CEP63: variants seen among roughly 807,000 people sequenced by gnomAD.
The protein encoded by CEP63 is centrosomal protein 63, also known as centrosomal protein of 63 kDa.
CEP63 carries 84 observed loss-of-function variants against 89.1 expected under a neutral mutation model. That is an observed-to-expected ratio of 0.94 (90% CI 0.79 to 1.13). CEP63 has a LOEUF of 1.13. CEP63 is among the 50% of genes most tolerant of loss of function. The probability of loss-of-function intolerance (pLI) is 0.00; values close to 1 mark genes in which losing one functional copy is unlikely to be tolerated. For synonymous variants in CEP63, 267 were observed against 272.5 expected, an observed-to-expected ratio of 0.98 and a Z score of 0.20; for missense variants, 838 against 813.3, an observed-to-expected ratio of 1.03 and a Z score of -0.37.
At chr3:134,659,804 G>A in the CEP63 span, among the ~76,000 whole-genome samples, 2 of 152,206 alleles carry the variant, frequency 1.3e-5, no homozygotes, top group African/African-American at 2.4e-5. Flanking sequence ...ACCCCCAGGG[G>A]CCTGGCGGGA....
At chr3:134,739,733 T>C in the CEP63 span, among the ~76,000 whole-genome samples, 5 of 148,578 alleles carry the variant, frequency 3.4e-5, no homozygotes, top group African/African-American at 1.3e-4. Context: ...GACACATGCA[T>C]AGCAAAATTG....
At chr3:134,685,106 T>A in the CEP63 span, among the ~76,000 whole-genome samples, 1 of 152,232 alleles carries the variant, frequency 6.6e-6, no homozygotes, top group South Asian at 2.1e-4. Context: ...TATTTCTGAA[T>A]TTATGGTTTA....
the CEP63 span, chr3:134,651,658 C>T: frequency 2.4e-5 from 23 of 948,928 alleles, no homozygotes; most frequent in Non-Finnish European, 2.9e-5. Context: ...GGAACATGCC[C>T]ATTGAGTATC....
At chr3:134,616,058 C>T in the CEP63 span, among the ~76,000 whole-genome samples, 2 of 152,186 alleles carry the variant, frequency 1.3e-5, no homozygotes, top group South Asian at 2.1e-4. Flanking sequence ...TTACTGGAGG[C>T]CGACTCAAGA....
At chr3:134,654,467 G>A in the CEP63 span, among the ~76,000 whole-genome samples, 1 of 152,152 alleles carries the variant, frequency 6.6e-6, no homozygotes, top group African/African-American at 2.4e-5. Flanking sequence ...ATGACGTGGG[G>A]AAGAGGCACA....
chr3:134,588,247 C>T (rs537056216), downstream of CEP63, among the ~76,000 whole-genome samples: 269 of 151,928 alleles, frequency 1.8e-3, no homozygotes, highest in Non-Finnish European at 2.7e-3. Context: ...TGAGACAGTG[C>T]GGCTGCACTC....
the CEP63 span, among the ~76,000 whole-genome samples, chr3:134,661,823 T>C: frequency 6.8e-6 from 1 of 147,846 alleles, no homozygotes; most frequent in Non-Finnish European, 1.5e-5. Context: ...CCCCTCAAAT[T>C]CATATGTTGA....
chr3:134,546,250 A>G lies in CEP63; in HGVS notation c.891A>G (p.Val297=). ...AAAAGGAGAAGTTACAAGAAAAAGTAAAGGCAACTAACACTCAACATGCTG... is the reference window on the plus strand; with the variant it reads ...AAAAGGAGAAGTTACAAGAAAAAGTGAAGGCAACTAACACTCAACATGCTG... The part of the protein sequence containing the change: ...RIQKEKLQEK[V]KATNTQHAVE... Residue 297 remains valine (V), a synonymous_variant, in exon 8 of 15, where the codon GTA becomes GTG. Transcript: ENST00000675561. The G allele has an allele frequency of 1.9e-6, 3 of 1,613,812 alleles. No individual in the cohort carries two copies. In the Middle Eastern group the frequency reaches 5.0e-4, roughly 266 times the overall value.
chr3:134,545,545 CA>C (rs1559999124), intron 6 of CEP63, 40 bp from the exon 7 acceptor site: 1 of 1,364,606 alleles, frequency 7.3e-7, no homozygotes. Context: ...ATTATTTTAT[CA>C]TTTCCCTTTT....
At chr3:134,650,676 T>G in the CEP63 span, 6 of 730,034 alleles carry the variant, frequency 8.2e-6, no homozygotes, top group Non-Finnish European at 1.3e-5. Context: ...CCGGTGCCAC[T>G]GCGGGGAAGC....
chr3:134,609,021 CTG>C, the CEP63 span, among the ~76,000 whole-genome samples: 1 of 152,198 alleles, frequency 6.6e-6, no homozygotes, highest in African/African-American at 2.4e-5. Context: ...AAGGCAGGGT[CTG>C]AGGTCCCTTC....
At chr3:134,515,177 G>C (rs1344712189) in intron 3 of CEP63, among the ~76,000 whole-genome samples, 1 of 152,108 alleles carries the variant, frequency 6.6e-6, no homozygotes, top group Non-Finnish European at 1.5e-5. Context: ...ACCATTAAAA[G>C]TATATATTAG....
the CEP63 span, among the ~76,000 whole-genome samples, chr3:134,643,110 T>G: frequency 6.6e-6 from 1 of 152,056 alleles, no homozygotes; most frequent in Non-Finnish European, 1.5e-5. Context: ...CTTGATCTCA[T>G]GGTGAGGGGA....
chr3:134,619,180 A>G, the CEP63 span: 2 of 1,613,950 alleles, frequency 1.2e-6, no homozygotes, highest in South Asian at 2.2e-5. Context: ...CAGCATAGCC[A>G]TCACAGTTGG....
Position 134,486,207 on chromosome 3 carries a change from C to G in CEP63, c.-26+5C>G. On this transcript the variant is annotated splice_donor_5th_base_variant and intron_variant, in intron 1 of 14. Transcript: ENST00000675561. ...CGTGCGCAGCGCCGGCCCGAGGTAACGGCGGGAAGGCTCAGGGGCGTGCTT... is the reference window on the plus strand; with the variant it reads ...CGTGCGCAGCGCCGGCCCGAGGTAAGGGCGGGAAGGCTCAGGGGCGTGCTT... 1 of 985,508 alleles carries G rather than the reference C, an allele frequency of 1.0e-6. No homozygotes were observed. Among genetic ancestry groups the G allele is most frequent in the Non-Finnish European group, 1.2e-6 (1 of 829,964 alleles). The allele number at this position is 985,508 out of a possible 1,614,324, so 61.0% of individuals were successfully genotyped here.
intron 3 of CEP63, among the ~76,000 whole-genome samples, chr3:134,522,533 TCGTGGGGG>T (rs1947694592): frequency 6.6e-6 from 1 of 152,122 alleles, no homozygotes. Context: ...TAAACTTGTG[TCGTGGGGG>T]TTTATTGTAC....
At chr3:134,537,048 C>G in intron 5 of CEP63, 107 bp from the exon 6 acceptor site, 1 of 773,712 alleles carries the variant, frequency 1.3e-6, no homozygotes, top group South Asian at 1.4e-5. Context: ...GAGAAAGGTG[C>G]AAGCGTACCC....
chr3:134,611,681 C>G, the CEP63 span, among the ~76,000 whole-genome samples: 1 of 152,228 alleles, frequency 6.6e-6, no homozygotes, highest in Non-Finnish European at 1.5e-5. Flanking sequence ...AGTGGTGACC[C>G]TGTGCTGTAC....
the CEP63 span, among the ~76,000 whole-genome samples, chr3:134,692,008 C>A: frequency 6.6e-6 from 1 of 152,158 alleles, no homozygotes; most frequent in African/African-American, 2.4e-5. Context: ...CCATGCCCAG[C>A]CGGCATTCTT....
Sources: gnomAD v4.1 joint callset for allele counts (sites outside exome capture counted in the v4.1 genomes callset) on GRCh38, gnomAD v4.1.1 for gene constraint, MANE v1.5 for transcripts, NCBI Gene and HGNC (gene_info 2026-07-23, HGNC 2026-07-21) for gene names.